The following CCDC178 variants were observed in gnomAD, a reference collection of about 807,000 sequenced individuals.
CCDC178 encodes the protein coiled-coil domain containing 178, also known as coiled-coil domain-containing protein 178.
CCDC178 carries 126 observed loss-of-function variants against 117.4 expected under a neutral mutation model. The observed-to-expected ratio is 1.07, with a 90% CI of 0.93 to 1.24. The LOEUF is 1.24. Ranked by LOEUF, CCDC178 falls within the 50% of genes most tolerant of loss-of-function variation. The pLI is 0.00. For synonymous variants in CCDC178, 283 were observed against 313.4 expected (o/e 0.90, Z 1.02); for missense variants, 1,030 against 986.9 (o/e 1.04, Z -0.59).
intron 11 of CCDC178, among the ~76,000 whole-genome samples, chr18:33,322,144 A>T (rs2062520262): frequency 6.6e-6 from 1 of 151,976 alleles, no homozygotes; most frequent in Admixed American, 6.5e-5. Flanking sequence ...ACTGATAAAA[A>T]TAATTATGTA....
At chr18:33,391,382 G>A (rs371814338) in intron 4 of CCDC178, among the ~76,000 whole-genome samples, 21 of 152,108 alleles carry the variant, frequency 1.4e-4, no homozygotes, top group Middle Eastern at 3.4e-3. Context: ...CTAAGTCACC[G>A]TCATTCATCT....
At chr18:33,428,535 C>A (rs916737802) in intron 2 of CCDC178, among the ~76,000 whole-genome samples, 5 of 151,676 alleles carry the variant, frequency 3.3e-5, no homozygotes, top group African/African-American at 7.3e-5. Flanking sequence ...AGATCAAGAC[C>A]ATGCTGGCCA....
chr18:33,162,967 G>A (rs79944681), intron 20 of CCDC178, among the ~76,000 whole-genome samples: 115 of 152,238 alleles, frequency 7.6e-4, no homozygotes, highest in Non-Finnish European at 1.3e-3. Context: ...GGATTGGTAG[G>A]TCGAATGGTA....
At chr18:33,317,246 G>A (rs893105156) in intron 11 of CCDC178, among the ~76,000 whole-genome samples, 12 of 152,018 alleles carry the variant, frequency 7.9e-5, no homozygotes, top group South Asian at 2.1e-4. Flanking sequence ...TGAAGCCAAC[G>A]AGACCACGAA....
intron 15 of CCDC178, among the ~76,000 whole-genome samples, chr18:33,231,493 T>C (rs1404590946): frequency 2.0e-5 from 3 of 152,192 alleles, no homozygotes; most frequent in African/African-American, 7.2e-5. Flanking sequence ...ATTATCTAAT[T>C]ATTGCCTCTT....
chr18:32,993,032 G>A (rs1216047603), intron 21 of CCDC178, among the ~76,000 whole-genome samples: 1 of 152,058 alleles, frequency 6.6e-6, no homozygotes, highest in East Asian at 1.9e-4. Context: ...AGGGCGTGGT[G>A]GCGCAAACCT....
intron 21 of CCDC178, among the ~76,000 whole-genome samples, chr18:33,004,455 C>T (rs2055708743): frequency 6.6e-6 from 1 of 152,136 alleles, no homozygotes; most frequent in Non-Finnish European, 1.5e-5. Context: ...AAACAAGACC[C>T]TTATCTCTTT....
At chr18:33,205,256 G>C (rs2059034188) in intron 20 of CCDC178, among the ~76,000 whole-genome samples, 1 of 151,924 alleles carries the variant, frequency 6.6e-6, no homozygotes, top group African/African-American at 2.4e-5. Context: ...CTAAATAAGA[G>C]TGGGTTGAAA....
At chr18:33,014,955 T>C (rs948719848) in intron 21 of CCDC178, among the ~76,000 whole-genome samples, 3 of 151,964 alleles carry the variant, frequency 2.0e-5, no homozygotes, top group Admixed American at 1.3e-4. Context: ...GTATAAAACA[T>C]GGAAAGAAAC....
In CCDC178 at chr18:33,224,931, T is replaced by C. The variant is rs549403400; in HGVS notation, c.1662A>G (p.Lys554=). 6.8e-7 allele frequency: 1 copy of C among 1,473,718 alleles called. No homozygotes were observed. Among genetic ancestry groups the C allele is most frequent in the South Asian group, 1.5e-5 (1 of 66,936 alleles). The allele number at this position is 1,473,718 out of a possible 1,614,324, so 91.3% of individuals were successfully genotyped here. The part of the protein sequence containing the change: ...EVAAGMVLQK[K]LYSIYEVQAL... ...CCTGGACTTCGTAAATGGAATATAG[T>C]TTTTTCTGCCAGCAAAGATTTTAAA... The change falls in exon 17 of 23, where the codon AAA becomes AAG. Residue 554 remains lysine, a synonymous_variant. Coordinates refer to ENST00000383096, the MANE Select transcript of CCDC178 (RefSeq NM_001105528.4).
chr18:33,100,646 A>G (rs2057612113), intron 20 of CCDC178, among the ~76,000 whole-genome samples: 1 of 152,010 alleles, frequency 6.6e-6, no homozygotes, highest in African/African-American at 2.4e-5. Context: ...ATGTGGTCTT[A>G]GCAGGGAAAA....
chr18:33,293,116 A>G, intron 12 of CCDC178, 43 bp downstream of exon 12: 1 of 1,392,816 alleles, frequency 7.2e-7, no homozygotes, highest in Non-Finnish European at 9.8e-7. Context: ...TTATAACTCA[A>G]AACAAAAATC....
intron 15 of CCDC178, among the ~76,000 whole-genome samples, chr18:33,241,178 T>C (rs2059483377): frequency 6.6e-6 from 1 of 151,658 alleles, no homozygotes; most frequent in Admixed American, 6.6e-5. Context: ...ATAAATTAGG[T>C]ACAGAAGGAA....
intron 20 of CCDC178, among the ~76,000 whole-genome samples, chr18:33,156,641 C>CAAAAA (rs35712594): frequency 0.016 from 1,606 of 99,098 alleles, 19 homozygotes; most frequent in Non-Finnish European, 0.021. Context: ...TCCTCCCTCT[C>CAAAAA]AAAAAAAAAA....
chr18:33,303,697 G>GA (rs1190646308), intron 11 of CCDC178, among the ~76,000 whole-genome samples: 1 of 151,650 alleles, frequency 6.6e-6, no homozygotes, highest in Non-Finnish European at 1.5e-5. Flanking sequence ...AAAAAACTAT[G>GA]AAAAAAATCT....
Position 32,938,058 on chromosome 18 carries a change from C to A in CCDC178, c.2557G>T (p.Gly853Cys), listed in dbSNP as rs760646637. The part of the protein sequence containing the change: ...ESSNLMQHIL[G>C]FFQTLTDGTC... ...CCATCTGTCAAAGTCTGGAAGAAAC[C>A]TAAGATGTGTTGCATTAAATTTGAA... is the stretch of plus-strand genomic sequence containing the variant. Residue 853 changes from glycine to cysteine, a missense_variant, in exon 23 of 23, where the codon GGT becomes TGT. Gly to Cys is a radical substitution (Grantham distance 159). Transcript: ENST00000383096. 3 of 1,613,656 alleles carry A rather than the reference C, an allele frequency of 1.9e-6. No homozygotes were observed. Among genetic ancestry groups the A allele is most frequent in the Non-Finnish European group, 2.5e-6 (3 of 1,179,726 alleles).
At chr18:33,431,956 C>A (rs2064225108) in intron 2 of CCDC178, among the ~76,000 whole-genome samples, 1 of 152,136 alleles carries the variant, frequency 6.6e-6, no homozygotes, top group Non-Finnish European at 1.5e-5. Flanking sequence ...TGGAAGAGGT[C>A]TGTGAGCCCA....
intron 20 of CCDC178, among the ~76,000 whole-genome samples, chr18:33,113,749 A>G (rs1170296311): frequency 6.6e-6 from 1 of 152,042 alleles, no homozygotes; most frequent in African/African-American, 2.4e-5. Flanking sequence ...AGACTACTAT[A>G]TGAGAGGCTA....
chr18:33,020,628 T>A (rs12969106), intron 21 of CCDC178, among the ~76,000 whole-genome samples: 26,649 of 152,210 alleles, frequency 0.18, 2,720 homozygotes, highest in East Asian at 0.37. Context: ...ACAATGGGAA[T>A]GTTTTCAATT....
Sources: allele counts gnomAD v4.1 joint callset (sites outside exome capture counted in the v4.1 genomes callset), GRCh38; gene constraint gnomAD v4.1.1; transcripts MANE v1.5; gene names NCBI Gene and HGNC (gene_info 2026-07-23, HGNC 2026-07-21).